Variants in FAM227B observed in about 807,000 individuals in gnomAD.
The protein encoded by FAM227B is family with sequence similarity 227 member B, also known as protein FAM227B.
FAM227B carries 88 observed loss-of-function variants against 73.8 expected under a neutral mutation model. That is an observed-to-expected ratio of 1.19 (90% CI 1.00 to 1.42). The LOEUF is 1.42. Ranked by LOEUF, FAM227B falls within the 40% of genes most tolerant of loss-of-function variation. The pLI, the probability that FAM227B is intolerant of heterozygous loss-of-function variation, is 0.00. For missense variants in FAM227B, 632 were observed against 590.9 expected (o/e 1.07, Z -0.72); for synonymous variants, 210 against 190.5 (o/e 1.10, Z -0.84).
At chr15:49,397,013 C>G (rs2037651756) in intron 11 of FAM227B, among the ~76,000 whole-genome samples, 2 of 152,290 alleles carry the variant, frequency 1.3e-5, no homozygotes, top group African/African-American at 4.8e-5. Flanking sequence ...TTTTGACGAG[C>G]TGAGAGAAGA....
chr15:49,541,876 A>T (rs915042588), intron 9 of FAM227B, 70 bp from the exon 10 acceptor site: 116 of 1,143,062 alleles, frequency 1.0e-4, no homozygotes, highest in Non-Finnish European at 9.6e-5. Flanking sequence ...CTGCCAAAGA[A>T]ATTATTATTT....
In FAM227B at chr15:49,544,478, AC is replaced by A. The variant is rs563664924; in HGVS notation, c.748-2673del. Among the ~76,000 whole-genome samples, 636 of 152,034 alleles carry A rather than the reference AC, an allele frequency of 4.2e-3. 8 individuals are homozygous for A. The highest frequency in any genetic ancestry group is 0.015 in the African/African-American group (611 of 41,482). On this transcript the variant is annotated intron_variant, in intron 9 of 15. Coordinates refer to ENST00000299338, the MANE Select transcript of FAM227B (RefSeq NM_152647.3). Reference sequence around the variant, plus strand: ...ACAGTGACAGTATGACTTCCTTTTTACTCATCTGGATGCTCTTTATTTCATT... The same window carrying A: ...ACAGTGACAGTATGACTTCCTTTTTATCATCTGGATGCTCTTTATTTCATT...
chr15:49,365,716 G>A, intron 13 of FAM227B: 2 of 899,012 alleles, frequency 2.2e-6, no homozygotes, highest in Non-Finnish European at 1.9e-6. Flanking sequence ...CAGACAGAAA[G>A]CAATCTCCAA....
At chr15:49,390,306 G>A (rs969717428) in intron 11 of FAM227B, among the ~76,000 whole-genome samples, 7 of 151,996 alleles carry the variant, frequency 4.6e-5, no homozygotes, top group African/African-American at 1.7e-4. Context: ...TGGACACACA[G>A]TGTGAGTGAA....
intron 7 of FAM227B, among the ~76,000 whole-genome samples, chr15:49,575,543 T>G (rs1299234863): frequency 6.6e-6 from 1 of 152,080 alleles, no homozygotes; most frequent in African/African-American, 2.4e-5. Context: ...AAAAGCTTTT[T>G]AATAACTAAA....
intron 3 of FAM227B, among the ~76,000 whole-genome samples, chr15:49,604,916 T>G (rs2077416566): frequency 6.6e-6 from 1 of 152,014 alleles, no homozygotes; most frequent in Non-Finnish European, 1.5e-5. Flanking sequence ...ATTTTTTATC[T>G]CTTTTATAAG....
chr15:49,349,970 T>C (rs545218111), intron 13 of FAM227B, among the ~76,000 whole-genome samples: 103 of 152,318 alleles, frequency 6.8e-4, no homozygotes, highest in African/African-American at 2.5e-3. Context: ...AAATTAACTT[T>C]GTTGGTAACT....
chr15:49,511,386 C>T (rs2058987759), intron 10 of FAM227B, among the ~76,000 whole-genome samples: 1 of 151,864 alleles, frequency 6.6e-6, no homozygotes, highest in Non-Finnish European at 1.5e-5. Context: ...AAACTAGTTT[C>T]CATTTCTCTA....
rs1316524131 is a variant in FAM227B, at chr15:49,590,098, T to C, written c.106-91A>G. The C allele has an allele frequency of 4.3e-6, 3 of 701,170 alleles. No individual in the cohort carries two copies. The East Asian group carries it at 8.1e-5, about 19-fold the overall frequency. 43.4% of individuals were successfully genotyped at this position (701,170 alleles called of 1,614,324 possible). A position where few individuals can be genotyped will look rare whatever the true frequency, so the allele number is the denominator to read the frequency against. On this transcript the variant is annotated intron_variant, in intron 3 of 15. Coordinates refer to ENST00000299338, the MANE Select transcript of FAM227B (RefSeq NM_152647.3). ...CAAAACCAATGAGCTATAATCGAGA[T>C]TTTATTCCACAGCATTGTTTTTTAT...
chr15:49,549,766 A>G (rs1420523646), intron 9 of FAM227B, among the ~76,000 whole-genome samples: 2 of 151,980 alleles, frequency 1.3e-5, no homozygotes, highest in Non-Finnish European at 2.9e-5. Context: ...TCTTTTCCCC[A>G]CCTTTCCCCA....
At chr15:49,353,079 T>C (rs2413942) in intron 13 of FAM227B, among the ~76,000 whole-genome samples, 42,190 of 152,082 alleles carry the variant, frequency 0.28, 6,374 homozygotes, top group East Asian at 0.43. Context: ...GGTGAGTTGA[T>C]GAAATGAGAA....
intron 13 of FAM227B, among the ~76,000 whole-genome samples, chr15:49,355,114 A>G (rs1174692234): frequency 2.0e-5 from 3 of 151,306 alleles, no homozygotes; most frequent in Non-Finnish European, 4.4e-5. Context: ...AAAGACCAAA[A>G]GTAGATAAAA....
At chr15:49,599,999 A>C (rs973360542) in intron 3 of FAM227B, among the ~76,000 whole-genome samples, 1 of 152,148 alleles carries the variant, frequency 6.6e-6, no homozygotes, top group African/African-American at 2.4e-5. Flanking sequence ...ATTTTTGAAA[A>C]TATGGCCTTA....
At position 49,329,769 on chromosome 15, in the gene FAM227B, G is replaced by A. The variant is rs993068481; in HGVS notation, c.1420-1094C>T. ...TGCCATTTTCCACAAAGGATTTGTG[G>A]TTGGTATATAATTCTTTAAAGATAC... is the stretch of plus-strand genomic sequence containing the variant. On this transcript the variant is annotated intron_variant, in intron 15 of 15. Coordinates refer to ENST00000299338, the MANE Select transcript of FAM227B (RefSeq NM_152647.3). 7 of 958,038 alleles carry A rather than the reference G, an allele frequency of 7.3e-6. No individual in the cohort carries two copies. The East Asian group carries it at 3.5e-4, about 48-fold the overall frequency. 59.3% of individuals were successfully genotyped at this position (958,038 alleles called of 1,614,324 possible).
At chr15:49,471,784 C>T (rs557689591) in intron 11 of FAM227B, among the ~76,000 whole-genome samples, 1 of 152,108 alleles carries the variant, frequency 6.6e-6, no homozygotes, top group African/African-American at 2.4e-5. Context: ...ACAGGTTTGA[C>T]AGTTTGCTGA....
chr15:49,490,098 T>C (rs1352571481), intron 11 of FAM227B, among the ~76,000 whole-genome samples: 7 of 151,152 alleles, frequency 4.6e-5, no homozygotes, highest in African/African-American at 1.7e-4. Flanking sequence ...CCAAAAAACC[T>C]CTTCAGAAAC....
chr15:49,570,858 TATTA>T lies in FAM227B; in HGVS notation c.646-2516_646-2513del, dbSNP rs1346781531. 3.4e-5 allele frequency among the ~76,000 whole-genome samples: 5 copies of T among 147,370 alleles called. No homozygotes were observed. The South Asian group carries it at 8.4e-4, about 25-fold the overall frequency. On this transcript the variant is annotated intron_variant, in intron 8 of 15. Transcript: ENST00000299338. ...TAATATATAAATATATTTAAATATATATTAAATATTACATATGCATTTATATAAT... is the reference window on the plus strand; with the variant it reads ...TAATATATAAATATATTTAAATATATAATATTACATATGCATTTATATAAT...
rs370427811 is a variant in FAM227B, at chr15:49,574,757, T to C, written c.645+254A>G. ...ACTTAGACTCTAATTATATAATATG[T>C]GATATATATTATGATAGATATAATA... On this transcript the variant is annotated intron_variant, in intron 8 of 15. Coordinates refer to ENST00000299338, the MANE Select transcript of FAM227B (RefSeq NM_152647.3). 5.4e-4 allele frequency: 112 copies of C among 206,822 alleles called. No homozygotes were observed. The South Asian group carries it at 0.015, about 27-fold the overall frequency. 12.8% of individuals were successfully genotyped at this position (206,822 alleles called of 1,614,324 possible). A position where few individuals can be genotyped will look rare whatever the true frequency, so the allele number is the denominator to read the frequency against.
chr15:49,332,069 G>A lies in FAM227B; in HGVS notation c.1350-220C>T, dbSNP rs546258428. ...GAGATAGGTTCAGACACCCACCCCC[G>A]CTGCATGTGCACACGTGCCACACAC... On this transcript the variant is annotated intron_variant, in intron 14 of 15. Transcript: ENST00000299338. Among the ~76,000 whole-genome samples the A allele has an allele frequency of 1.1e-3, 159 of 145,832 alleles. 1 individual carries two copies. Among genetic ancestry groups the A allele is most frequent in the Non-Finnish European group, 2.1e-3 (137 of 66,744 alleles).
Sources: gnomAD v4.1 joint callset for allele counts (sites outside exome capture counted in the v4.1 genomes callset) on GRCh38, gnomAD v4.1.1 for gene constraint, MANE v1.5 for transcripts, NCBI Gene and HGNC (gene_info 2026-07-23, HGNC 2026-07-21) for gene names.